The following MICU1 variants were observed in gnomAD, a reference collection of about 807,000 sequenced individuals.
MICU1 encodes mitochondrial calcium uptake 1.
Under a neutral mutation model 56.8 loss-of-function variants are expected in MICU1, and 45 were observed. The ratio of observed to expected loss-of-function variants is 0.79; its 90% CI spans 0.62 to 1.02. MICU1 has a LOEUF of 1.02. Among genes scored for constraint, MICU1 ranks in the 50% least tolerant of loss-of-function variants. MICU1 has a pLI of 0.00. For missense variants in MICU1, 504 were observed against 587.1 expected, an observed-to-expected ratio of 0.86 and a Z score of 1.46; for synonymous variants, 186 against 195.1, an observed-to-expected ratio of 0.95 and a Z score of 0.39.
At chr10:72,468,133 C>T (rs7081042) in intron 8 of MICU1, among the ~76,000 whole-genome samples, 6,829 of 152,130 alleles carry the variant, frequency 0.045, 504 homozygotes, top group African/African-American at 0.15. Context: ...TCGTGCCGGG[C>T]CAAAATGTAA....
At chr10:72,422,660 C>G (rs1321860061) in intron 9 of MICU1, among the ~76,000 whole-genome samples, 3 of 151,888 alleles carry the variant, frequency 2.0e-5, no homozygotes, top group Non-Finnish European at 2.9e-5. Context: ...GTAGACCCCT[C>G]AGTTCTTGAA....
chr10:72,596,868 G>T (rs552474888), intron 1 of MICU1, among the ~76,000 whole-genome samples: 1 of 145,018 alleles, frequency 6.9e-6, no homozygotes, highest in Non-Finnish European at 1.5e-5. Flanking sequence ...GGAAGACCCC[G>T]TCTCAAAAAA....
chr10:72,492,521 G>A (rs1866691937), intron 6 of MICU1, among the ~76,000 whole-genome samples: 1 of 152,158 alleles, frequency 6.6e-6, no homozygotes, highest in Non-Finnish European at 1.5e-5. Context: ...CCAGCACGTT[G>A]GGAGGTTGAG....
chr10:72,568,201 T>C (rs1223095955), intron 1 of MICU1, among the ~76,000 whole-genome samples: 1 of 152,178 alleles, frequency 6.6e-6, no homozygotes, highest in Admixed American at 6.5e-5. Context: ...TTCTCTATAG[T>C]TCAAACTTCA....
At chr10:72,498,783 G>A (rs972006229) in intron 6 of MICU1, among the ~76,000 whole-genome samples, 1 of 152,066 alleles carries the variant, frequency 6.6e-6, no homozygotes, top group African/African-American at 2.4e-5. Flanking sequence ...TTTACAGGGC[G>A]ACATATGCTA....
chr10:72,375,423 A>G (rs1862485106), intron 11 of MICU1, among the ~76,000 whole-genome samples: 1 of 152,184 alleles, frequency 6.6e-6, no homozygotes, highest in Non-Finnish European at 1.5e-5. Flanking sequence ...GGTGGTGGAG[A>G]GATCAGTACT....
chr10:72,567,980 C>T (rs1223596000), intron 1 of MICU1, among the ~76,000 whole-genome samples: 2 of 151,976 alleles, frequency 1.3e-5, no homozygotes, highest in Non-Finnish European at 2.9e-5. Flanking sequence ...ATATAACTTG[C>T]TCAAGAGTAC....
chr10:72,403,674 G>C (rs111499413), intron 10 of MICU1, among the ~76,000 whole-genome samples: 1,893 of 98,970 alleles, frequency 0.019, 42 homozygotes, highest in African/African-American at 0.06. Context: ...TGTGTGTTTT[G>C]AGACGGAGTC....
chr10:72,516,200 C>CT (rs1867639966), intron 5 of MICU1, among the ~76,000 whole-genome samples: 1 of 152,128 alleles, frequency 6.6e-6, no homozygotes, highest in South Asian at 2.1e-4. Context: ...TGATGACGAG[C>CT]TTTTTTCATA....
intron 8 of MICU1, among the ~76,000 whole-genome samples, chr10:72,451,087 T>C (rs4586069): frequency 0.027 from 3,993 of 146,086 alleles, 174 homozygotes; most frequent in African/African-American, 0.098. Context: ...TACAGTGTCA[T>C]GATCTCAGCT....
At chr10:72,494,846 A>AC (rs1866783911) in intron 6 of MICU1, among the ~76,000 whole-genome samples, 5 of 151,942 alleles carry the variant, frequency 3.3e-5, no homozygotes, top group Non-Finnish European at 5.9e-5. Context: ...TGATTCTAAA[A>AC]AAAAAAAAAA....
chr10:72,369,555 A>T (rs935453696), intron 11 of MICU1, among the ~76,000 whole-genome samples: 3 of 152,090 alleles, frequency 2.0e-5, no homozygotes, highest in Non-Finnish European at 2.9e-5. Flanking sequence ...CTCTGCTGTA[A>T]TGGAGAGATG....
intron 5 of MICU1, chr10:72,509,531 C>G (rs1461847963): frequency 1.5e-6 from 1 of 666,140 alleles, no homozygotes; most frequent in South Asian, 1.5e-5. Context: ...TCAAAATAGC[C>G]TCTACTAGAT....
At chr10:72,583,579 G>A (rs1005899564) in intron 1 of MICU1, among the ~76,000 whole-genome samples, 1 of 152,014 alleles carries the variant, frequency 6.6e-6, no homozygotes, top group Admixed American at 6.6e-5. Context: ...CGCCTGGCCT[G>A]AATGCATTAT....
chr10:72,466,774 A>G (rs1865806432), intron 8 of MICU1, among the ~76,000 whole-genome samples: 1 of 152,168 alleles, frequency 6.6e-6, no homozygotes, highest in Non-Finnish European at 1.5e-5. Context: ...TGGCCAGGAA[A>G]GGAGTTGAGG....
At chr10:72,421,697 T>C (rs1864180375) in intron 9 of MICU1, among the ~76,000 whole-genome samples, 1 of 152,214 alleles carries the variant, frequency 6.6e-6, no homozygotes, top group African/African-American at 2.4e-5. Flanking sequence ...CTCTAACTCA[T>C]CTCCTAAATT....
chr10:72,623,944 A>G (rs1030335835), intron 1 of MICU1, among the ~76,000 whole-genome samples: 1 of 152,146 alleles, frequency 6.6e-6, no homozygotes. Context: ...AAAGGGATAC[A>G]CTAAACAACT....
intron 9 of MICU1, among the ~76,000 whole-genome samples, chr10:72,410,857 A>C (rs917383974): frequency 2.0e-5 from 3 of 152,188 alleles, no homozygotes; most frequent in Non-Finnish European, 2.9e-5. Flanking sequence ...AGAGAATCCC[A>C]TAGGATTAGA....
At chr10:72,622,218 C>T (rs1470827577) in intron 1 of MICU1, among the ~76,000 whole-genome samples, 12 of 149,822 alleles carry the variant, frequency 8.0e-5, no homozygotes, top group South Asian at 2.1e-4. Flanking sequence ...CCACCGCGCC[C>T]GGCCCCAAGT....
Sources: allele counts gnomAD v4.1 joint callset (sites outside exome capture counted in the v4.1 genomes callset), GRCh38; gene constraint gnomAD v4.1.1; transcripts MANE v1.5; gene names NCBI Gene and HGNC (gene_info 2026-07-23, HGNC 2026-07-21).